Variants in HACL2 observed in about 807,000 individuals in gnomAD.
HACL2 encodes the protein 2-hydroxyacyl-CoA lyase 2, also known as 2-hydroxyacyl-CoA lyase 1 like.
chr19:15,115,126 C>T, the HACL2 span: 1 of 1,118,572 alleles, frequency 8.9e-7, no homozygotes, highest in Non-Finnish European at 1.3e-6. Context: ...CCATCCCCTC[C>T]TCAGGGAGGT....
chr19:15,115,348 C>A, the HACL2 span: 1 of 1,614,144 alleles, frequency 6.2e-7, no homozygotes. Flanking sequence ...GGGCATCGTG[C>A]AGCACCTTGA....
chr19:15,125,102 C>G, the HACL2 span: 1 of 1,487,500 alleles, frequency 6.7e-7, no homozygotes, highest in Non-Finnish European at 9.0e-7. Flanking sequence ...CAGACTTGGG[C>G]GCGACAGGGA....
At chr19:15,121,565 T>C in the HACL2 span, among the ~76,000 whole-genome samples, 1 of 151,984 alleles carries the variant, frequency 6.6e-6, no homozygotes, top group East Asian at 2.0e-4. Context: ...TCTGTAATGT[T>C]TGAGAGGCCG....
chr19:15,119,057 T>A, the HACL2 span: 1 of 1,243,224 alleles, frequency 8.0e-7, no homozygotes, highest in Non-Finnish European at 1.1e-6. Context: ...AAAATGTGTA[T>A]CAAGTACAAT....
At chr19:15,122,592 C>T in the HACL2 span, 2 of 980,974 alleles carry the variant, frequency 2.0e-6, no homozygotes, top group Non-Finnish European at 3.2e-6. This position sits in a 1 kb window ranked among gnomAD's most constrained non-coding sequence, Gnocchi z 4.0. Flanking sequence ...CAGCTGTCTC[C>T]TCCCAGTCCA....
chr19:15,119,043 T>C, the HACL2 span: 16 of 1,116,328 alleles, frequency 1.4e-5, no homozygotes, highest in Non-Finnish European at 1.4e-5. Flanking sequence ...AAGCGCTTTA[T>C]GTGAAAATGT....
At chr19:15,116,091 G>A in the HACL2 span, 2 of 1,613,564 alleles carry the variant, frequency 1.2e-6, no homozygotes, top group Non-Finnish European at 1.7e-6. Context: ...CCAAGAGCAG[G>A]TGGGTGTGAA....
chr19:15,119,426 G>C, the HACL2 span: 2 of 1,614,158 alleles, frequency 1.2e-6, no homozygotes, highest in Non-Finnish European at 1.7e-6. Flanking sequence ...ACCGAAGCTT[G>C]TCGGCAGACG....
the HACL2 span, chr19:15,115,536 G>A: frequency 3.1e-6 from 5 of 1,604,782 alleles, 1 homozygote; most frequent in South Asian, 5.5e-5. Context: ...ACAGCCTCCT[G>A]TCCTCCCAAC....
chr19:15,118,104 C>T, the HACL2 span: 1 of 1,542,214 alleles, frequency 6.5e-7, no homozygotes, highest in Non-Finnish European at 8.9e-7. Context: ...GCAAATGAGT[C>T]CCTGTTCCTC....
chr19:15,121,711 A>G, the HACL2 span, among the ~76,000 whole-genome samples: 1 of 150,648 alleles, frequency 6.6e-6, no homozygotes, highest in South Asian at 2.1e-4. Flanking sequence ...CAGAAGGCTG[A>G]GGCAGGAAAA....
the HACL2 span, chr19:15,123,257 C>A: frequency 6.2e-7 from 1 of 1,612,822 alleles, no homozygotes; most frequent in South Asian, 1.1e-5. The surrounding 1 kb of genome is among the most constrained non-coding windows in gnomAD (Gnocchi z 5.1). Context: ...GAACACAGAG[C>A]CCATCACAGC....
chr19:15,118,084 T>C, the HACL2 span: 7 of 1,594,364 alleles, frequency 4.4e-6, no homozygotes, highest in Admixed American at 1.2e-4. Flanking sequence ...TCCACTGTGG[T>C]GGACTGGATG....
chr19:15,117,815 A>G, the HACL2 span: 1 of 1,592,908 alleles, frequency 6.3e-7, no homozygotes, highest in Admixed American at 1.7e-5. Flanking sequence ...AGCCAGCTGC[A>G]GCAGAAACCA....
the HACL2 span, chr19:15,115,550 G>A: frequency 1.4e-5 from 23 of 1,607,882 alleles, no homozygotes; most frequent in East Asian, 2.2e-5. Flanking sequence ...TCCCAACCTC[G>A]CTGAGGCCCC....
the HACL2 span, chr19:15,119,901 C>T: frequency 1.0e-6 from 1 of 967,722 alleles, no homozygotes; most frequent in Non-Finnish European, 1.5e-6. Flanking sequence ...GGCCCCAGTA[C>T]TGACTCAGGG....
the HACL2 span, chr19:15,115,501 G>A: frequency 2.5e-6 from 4 of 1,599,710 alleles, no homozygotes; most frequent in Admixed American, 6.7e-5. Flanking sequence ...CCCAGGAGAG[G>A]AACACAAGCC....
the HACL2 span, chr19:15,116,915 A>G: frequency 2.9e-5 from 6 of 206,778 alleles, no homozygotes; most frequent in South Asian, 5.8e-4. Context: ...ACTAACAAAC[A>G]GCCCCGTGAT....
chr19:15,123,069 C>A, the HACL2 span: 1 of 1,609,966 alleles, frequency 6.2e-7, no homozygotes, highest in Non-Finnish European at 8.5e-7. The surrounding 1 kb of genome is among the most constrained non-coding windows in gnomAD (Gnocchi z 5.1). Flanking sequence ...ATCGCATGAG[C>A]CCTTCAAGCC....
Sources: allele counts gnomAD v4.1 joint callset (sites outside exome capture counted in the v4.1 genomes callset), GRCh38; gene constraint gnomAD v4.1.1; non-coding constraint Gnocchi (gnomAD v3.1); transcripts MANE v1.5; gene names NCBI Gene and HGNC (gene_info 2026-07-23, HGNC 2026-07-21).